GSN: variants seen among roughly 807,000 people sequenced by gnomAD.
GSN encodes gelsolin, also known as actin-depolymerizing factor.
GSN carries 56 observed loss-of-function variants against 85.7 expected under a neutral mutation model. The observed-to-expected ratio is 0.65, with a 90% CI of 0.53 to 0.82. The LOEUF is 0.82. Among genes scored for constraint, GSN ranks in the 40% least tolerant of loss-of-function variants. The probability of loss-of-function intolerance (pLI) is 0.00; values close to 1 mark genes in which losing one functional copy is unlikely to be tolerated. For missense variants in GSN, 857 were observed against 979.8 expected (o/e 0.87, Z 1.67); for synonymous variants, 373 against 399.1 (o/e 0.93, Z 0.78).
intron 4 of GSN, among the ~76,000 whole-genome samples, chr9:121,228,234 AC>A (rs904444980): frequency 2.0e-5 from 3 of 151,452 alleles, no homozygotes; most frequent in Non-Finnish European, 2.9e-5. Context: ...GACCCTGCAC[AC>A]CCGAGGTGCT....
intron 5 of GSN, among the ~76,000 whole-genome samples, chr9:121,247,868 C>T (rs1189349475): frequency 6.8e-6 from 1 of 147,344 alleles, no homozygotes; most frequent in African/African-American, 2.5e-5. Flanking sequence ...ACCTCACCCC[C>T]CCACCCCACC....
At chr9:121,285,054 C>G (rs1404268086) in intron 2 of GSN, 2 of 167,216 alleles carry the variant, frequency 1.2e-5, no homozygotes, top group East Asian at 3.8e-4. Flanking sequence ...GCAAACAGGT[C>G]TGGGCCTGAA....
intron 14 of GSN, among the ~76,000 whole-genome samples, chr9:121,328,343 A>G (rs991981329): frequency 7.2e-5 from 11 of 152,228 alleles, no homozygotes; most frequent in Non-Finnish European, 1.5e-4. Flanking sequence ...GCCGAGTCCA[A>G]TTTGACAGCC....
upstream of GSN, among the ~76,000 whole-genome samples, chr9:121,202,943 G>A (rs1441490553): frequency 6.6e-6 from 1 of 152,052 alleles, no homozygotes; most frequent in African/African-American, 2.4e-5. Context: ...TGGCTAACAC[G>A]GTGAAACCCC....
chr9:121,204,694 G>A (rs2053854924), upstream of GSN, among the ~76,000 whole-genome samples: 1 of 152,166 alleles, frequency 6.6e-6, no homozygotes, highest in Non-Finnish European at 1.5e-5. Flanking sequence ...AGCACTGTTT[G>A]TAATAACAAA....
At chr9:121,273,051 G>T (rs2056202769) in intron 1 of GSN, among the ~76,000 whole-genome samples, 1 of 151,906 alleles carries the variant, frequency 6.6e-6, no homozygotes, top group East Asian at 1.9e-4. Context: ...CAGTGCCTGG[G>T]TTAAGGGATG....
intron 11 of GSN, among the ~76,000 whole-genome samples, chr9:121,322,921 C>A (rs1402214707): frequency 6.6e-6 from 1 of 151,862 alleles, no homozygotes; most frequent in African/African-American, 2.4e-5. Flanking sequence ...ACCTCTGCCC[C>A]CCGGGGCTCA....
intron 1 of GSN, chr9:121,208,002 G>A (rs1263299827): frequency 6.6e-6 from 1 of 150,474 alleles, no homozygotes; most frequent in Non-Finnish European, 1.5e-5. Context: ...GTCCAGATTG[G>A]TCTTGAACTC....
At chr9:121,263,404 A>G (rs2132284623), upstream of GSN, among the ~76,000 whole-genome samples, 1 of 152,326 alleles carries the variant, frequency 6.6e-6, no homozygotes, top group South Asian at 2.1e-4. Flanking sequence ...TGTATTAGTC[A>G]TTTTCACACT....
chr9:121,212,791 G>A (rs147514067), intron 4 of GSN, among the ~76,000 whole-genome samples: 5 of 151,520 alleles, frequency 3.3e-5, no homozygotes, highest in Admixed American at 1.3e-4. Context: ...CTACAGGTGC[G>A]CACCACCACG....
chr9:121,239,528 T>G (rs2054561315), intron 5 of GSN: 1 of 302,804 alleles, frequency 3.3e-6, no homozygotes. Flanking sequence ...TGAGCTGCAA[T>G]CTTTGTGTAG....
intron 4 of GSN, among the ~76,000 whole-genome samples, chr9:121,223,854 T>C (rs867069579): frequency 2.5e-4 from 38 of 151,570 alleles, no homozygotes; most frequent in African/African-American, 9.0e-4. Flanking sequence ...AGACGGAGTT[T>C]TGCCATGTTG....
chr9:121,299,329 GC>G lies in GSN; in HGVS notation c.-9-2631del. On this transcript the variant is annotated intron_variant, in intron 2 of 17. Transcript: ENST00000432226. The surrounding 1 kb of genome is among the most constrained non-coding windows in gnomAD (Gnocchi z 4.2). ...GCTGCCTGGTGGGGGTTCTGCCCAG[GC>G]CCACTACGGCCTGAGTTCAAATCCC... The G allele has an allele frequency of 1.0e-6, 1 of 984,408 alleles. No homozygotes were observed. Among genetic ancestry groups the G allele is most frequent in the Non-Finnish European group, 1.2e-6 (1 of 829,062 alleles). 61.0% of individuals were successfully genotyped at this position (984,408 alleles called of 1,614,324 possible).
chr9:121,217,579 A>G (rs2054088912), intron 4 of GSN, among the ~76,000 whole-genome samples: 1 of 151,638 alleles, frequency 6.6e-6, no homozygotes, highest in African/African-American at 2.4e-5. Flanking sequence ...TAAAGATACC[A>G]TTCATATTGG....
intron 5 of GSN, among the ~76,000 whole-genome samples, chr9:121,234,954 G>A (rs1588450827): frequency 1.3e-5 from 2 of 152,218 alleles, no homozygotes; most frequent in African/African-American, 2.4e-5. Context: ...ACAGGGAGGT[G>A]TGGGGCAGAA....
chr9:121,322,176 G>C (rs898151755), intron 11 of GSN, among the ~76,000 whole-genome samples: 1 of 151,444 alleles, frequency 6.6e-6, no homozygotes, highest in Non-Finnish European at 1.5e-5. Flanking sequence ...ACCCCTTCTT[G>C]GGTAACTGCT....
chr9:121,327,215 A>C, intron 13 of GSN, 93 bp from the exon 14 acceptor site: 1 of 1,022,946 alleles, frequency 9.8e-7, no homozygotes, highest in Non-Finnish European at 1.6e-6. Context: ...TCCCCACCTG[A>C]GAGCTAGTCC....
intron 6 of GSN, among the ~76,000 whole-genome samples, chr9:121,251,651 A>G (rs2054838679): frequency 6.6e-6 from 1 of 152,006 alleles, no homozygotes; most frequent in Non-Finnish European, 1.5e-5. Flanking sequence ...GGGTAGGTGA[A>G]TGGGTGTGGA....
intron 4 of GSN, among the ~76,000 whole-genome samples, chr9:121,304,493 CA>C (rs1472677095): frequency 6.6e-6 from 1 of 152,250 alleles, no homozygotes; most frequent in African/African-American, 2.4e-5. Context: ...GCCCAGGAAT[CA>C]CAGAGATTGG....
Sources: allele counts gnomAD v4.1 joint callset (sites outside exome capture counted in the v4.1 genomes callset), GRCh38; gene constraint gnomAD v4.1.1; non-coding constraint Gnocchi (gnomAD v3.1); transcripts MANE v1.5; gene names NCBI Gene and HGNC (gene_info 2026-07-23, HGNC 2026-07-21).